ARB2A: variants seen among roughly 807,000 people sequenced by gnomAD.
The protein encoded by ARB2A is ARB2 cotranscriptional regulator A, also known as cotranscriptional regulator ARB2A.
the ARB2A span, among the ~76,000 whole-genome samples, chr5:94,085,835 C>T: frequency 2.6e-5 from 4 of 152,112 alleles, no homozygotes; most frequent in Admixed American, 1.3e-4. Flanking sequence ...CACTCAAAAA[C>T]GTAGATGAAT....
the ARB2A span, chr5:93,824,215 G>C: frequency 6.3e-7 from 1 of 1,593,128 alleles, no homozygotes; most frequent in South Asian, 1.1e-5. Flanking sequence ...AGCAGCCTGA[G>C]CTATGAAATG....
At chr5:94,102,071 T>C in the ARB2A span, among the ~76,000 whole-genome samples, 4 of 149,116 alleles carry the variant, frequency 2.7e-5, no homozygotes, top group African/African-American at 9.9e-5. Flanking sequence ...CTATGTTATA[T>C]CATAGGAAAT....
At chr5:93,934,571 G>T in the ARB2A span, among the ~76,000 whole-genome samples, 2 of 152,152 alleles carry the variant, frequency 1.3e-5, no homozygotes, top group Admixed American at 1.3e-4. Flanking sequence ...TTAGATATGG[G>T]CATGTGTGTG....
chr5:93,962,586 A>G, the ARB2A span, among the ~76,000 whole-genome samples: 2 of 152,222 alleles, frequency 1.3e-5, no homozygotes, highest in South Asian at 4.1e-4. Flanking sequence ...AAGAACAACT[A>G]TTTACAGACA....
chr5:94,030,475 GC>G, the ARB2A span, among the ~76,000 whole-genome samples: 2 of 152,190 alleles, frequency 1.3e-5, no homozygotes, highest in African/African-American at 4.8e-5. Flanking sequence ...TTGGGCATGG[GC>G]CCCTATATCT....
chr5:93,994,030 T>C, the ARB2A span, among the ~76,000 whole-genome samples: 1 of 152,106 alleles, frequency 6.6e-6, no homozygotes. Flanking sequence ...ACCACAGTGA[T>C]TTGATCAACA....
chr5:93,767,941 C>T, the ARB2A span, among the ~76,000 whole-genome samples: 1 of 134,066 alleles, frequency 7.5e-6, no homozygotes, highest in Non-Finnish European at 1.5e-5. Context: ...TTGCAGTGAG[C>T]CAAGATCACG....
the ARB2A span, among the ~76,000 whole-genome samples, chr5:93,741,844 C>T: frequency 1.3e-5 from 2 of 152,144 alleles, no homozygotes; most frequent in African/African-American, 4.8e-5. Flanking sequence ...GAGTCCCTTA[C>T]TCACTGCCTC....
the ARB2A span, among the ~76,000 whole-genome samples, chr5:93,653,291 G>A: frequency 6.6e-6 from 1 of 151,164 alleles, no homozygotes; most frequent in East Asian, 1.9e-4. Flanking sequence ...GGTGGATCAC[G>A]AGGTCAGGAG....
chr5:93,738,016 A>G, the ARB2A span: 1 of 401,782 alleles, frequency 2.5e-6, no homozygotes, highest in East Asian at 7.5e-5. Flanking sequence ...AGATACAGTC[A>G]AAAGAGTAAA....
At chr5:94,100,971 A>C in the ARB2A span, among the ~76,000 whole-genome samples, 2 of 152,220 alleles carry the variant, frequency 1.3e-5, no homozygotes, top group East Asian at 3.8e-4. Context: ...TCTGCACAGC[A>C]AAAGAAACTA....
the ARB2A span, among the ~76,000 whole-genome samples, chr5:93,706,619 G>A: frequency 6.6e-6 from 1 of 152,036 alleles, no homozygotes; most frequent in African/African-American, 2.4e-5. Context: ...TGTAATCCCA[G>A]GACTTTGGGC....
the ARB2A span, among the ~76,000 whole-genome samples, chr5:93,665,805 C>T: frequency 1.7e-4 from 26 of 152,130 alleles, no homozygotes; most frequent in Non-Finnish European, 2.9e-4. Context: ...CCTGACCTAC[C>T]GAGCTTTTTA....
the ARB2A span, among the ~76,000 whole-genome samples, chr5:93,878,038 AAT>A: frequency 6.7e-6 from 1 of 149,258 alleles, no homozygotes; most frequent in South Asian, 2.1e-4. Context: ...TTCAGATGAA[AAT>A]ATATAGTTCA....
chr5:93,649,461 A>G, the ARB2A span, among the ~76,000 whole-genome samples: 10 of 152,268 alleles, frequency 6.6e-5, 1 homozygote, highest in South Asian at 1.0e-3. Flanking sequence ...AGAAGGCTGC[A>G]ATTTTATTGG....
the ARB2A span, chr5:93,781,810 C>T: frequency 1.2e-6 from 1 of 845,680 alleles, no homozygotes; most frequent in Non-Finnish European, 1.4e-6. Flanking sequence ...TGTTTATTGG[C>T]CACTTACATG....
At chr5:93,855,631 G>A in the ARB2A span, among the ~76,000 whole-genome samples, 1 of 152,086 alleles carries the variant, frequency 6.6e-6, no homozygotes, top group African/African-American at 2.4e-5. Context: ...GCTTCCTTCA[G>A]GAGCTCTTTT....
the ARB2A span, among the ~76,000 whole-genome samples, chr5:93,981,077 T>TA: frequency 7.9e-5 from 12 of 151,672 alleles, no homozygotes; most frequent in South Asian, 2.3e-3. Context: ...TAATTTTTTT[T>TA]TTTTTTCGGT....
chr5:93,867,039 A>T, the ARB2A span, among the ~76,000 whole-genome samples: 1 of 152,304 alleles, frequency 6.6e-6, no homozygotes, highest in South Asian at 2.1e-4. Flanking sequence ...TTACAAAAAC[A>T]TGAGTTCCTC....
Sources: gnomAD v4.1 joint callset for allele counts (sites outside exome capture counted in the v4.1 genomes callset) on GRCh38, gnomAD v4.1.1 for gene constraint, MANE v1.5 for transcripts, NCBI Gene and HGNC (gene_info 2026-07-23, HGNC 2026-07-21) for gene names.